The following DLG2 variants were observed in gnomAD, a reference collection of about 807,000 sequenced individuals.
DLG2 encodes the protein discs large MAGUK scaffold protein 2.
DLG2 carries 45 observed loss-of-function variants against 132.5 expected under a neutral mutation model. The observed-to-expected ratio is 0.34, with a 90% CI of 0.27 to 0.44. The LOEUF (loss-of-function observed/expected upper bound fraction) is 0.44. Ranked by LOEUF, DLG2 falls within the 20% of genes least tolerant of loss-of-function variation. The pLI, the probability that DLG2 is intolerant of heterozygous loss-of-function variation, is 1.00. For missense variants in DLG2, 1,045 were observed against 1,196.9 expected (o/e 0.87, Z 1.87); for synonymous variants, 424 against 419.6 (o/e 1.01, Z -0.13).
chr11:84,541,224 T>C (rs1283188391), intron 6 of DLG2, among the ~76,000 whole-genome samples: 2 of 150,234 alleles, frequency 1.3e-5, no homozygotes, highest in East Asian at 3.9e-4. Context: ...TAAAGAAACT[T>C]TGTAAACAGA....
chr11:85,412,756 CACACAT>C lies in DLG2; in HGVS notation c.41-127397_41-127392del, dbSNP rs1323200912. 4.2e-4 allele frequency among the ~76,000 whole-genome samples: 52 copies of C among 123,406 alleles called. 1 individual carries two copies. The East Asian group carries it at 5.8e-3, about 14-fold the overall frequency. 81.0% of individuals were successfully genotyped at this position (123,406 alleles called of 152,430 possible). A position where few individuals can be genotyped will look rare whatever the true frequency, so the allele number is the denominator to read the frequency against. On this transcript the variant is annotated intron_variant, in intron 3 of 27. Transcript: ENST00000376104. ...ACACACACACACACACACACACACA[CACACAT>C]ATATATATATATATATATATATATC...
At chr11:83,983,357 T>C (rs1172983882) in intron 11 of DLG2, among the ~76,000 whole-genome samples, 1 of 151,994 alleles carries the variant, frequency 6.6e-6, no homozygotes, top group Non-Finnish European at 1.5e-5. Context: ...AAGACTTTTT[T>C]AGAAAAACCA....
At position 83,965,541 on chromosome 11, in the gene DLG2, A is replaced by G. The variant is rs941870507; in HGVS notation, c.1057-73T>C. The stretch of plus-strand genomic sequence containing the variant: ...AAGAAAAATATTCAGGCAAGAAGAT[A>G]CCTGGAATTATAAATTGTGATAATT... On this transcript the variant is annotated intron_variant, in intron 12 of 27. Transcript: ENST00000376104. 4.8e-6 allele frequency: 6 copies of G among 1,244,870 alleles called. No individual in the cohort carries two copies. The African/African-American group carries it at 7.7e-5, about 16-fold the overall frequency. The allele number at this position is 1,244,870 out of a possible 1,614,324, so 77.1% of individuals were successfully genotyped here. A position where few individuals can be genotyped will look rare whatever the true frequency, so the allele number is the denominator to read the frequency against.
At chr11:84,317,159 C>T (rs760080999) in intron 7 of DLG2, 3 of 1,597,254 alleles carry the variant, frequency 1.9e-6, no homozygotes, top group African/African-American at 1.3e-5. Context: ...GCACTGATGC[C>T]TACTCTTTCC....
At chr11:84,112,073 C>T (rs143837474) in intron 9 of DLG2, among the ~76,000 whole-genome samples, 2,595 of 151,968 alleles carry the variant, frequency 0.017, 78 homozygotes, top group African/African-American at 0.058. Context: ...AGTACAGTGG[C>T]GCGATCTTGG....
intron 6 of DLG2, among the ~76,000 whole-genome samples, chr11:84,779,942 C>T (rs1411966328): frequency 6.7e-6 from 1 of 149,510 alleles, no homozygotes; most frequent in Non-Finnish European, 1.5e-5. Context: ...ATATTCACAA[C>T]CAAATTCTAC....
chr11:84,035,151 C>G (rs1428301545), intron 11 of DLG2, among the ~76,000 whole-genome samples: 3 of 152,086 alleles, frequency 2.0e-5, no homozygotes, highest in Non-Finnish European at 4.4e-5. Flanking sequence ...AAGCCAAGGT[C>G]TGCTGCCCAG....
At chr11:85,455,218 G>T (rs2092382296) in intron 3 of DLG2, among the ~76,000 whole-genome samples, 1 of 151,992 alleles carries the variant, frequency 6.6e-6, no homozygotes, top group African/African-American at 2.4e-5. Flanking sequence ...TTTTGTAATT[G>T]TCCTTGCAGA....
chr11:84,567,686 T>C lies in DLG2; in HGVS notation c.358-32955A>G, dbSNP rs77157777. Among the ~76,000 whole-genome samples the C allele has an allele frequency of 1.0e-3, 159 of 152,290 alleles. 1 individual carries two copies. The highest frequency in any genetic ancestry group is 3.6e-3 in the African/African-American group (148 of 41,574). On this transcript the variant is annotated intron_variant, in intron 6 of 27. Coordinates refer to ENST00000376104, the MANE Select transcript of DLG2 (RefSeq NM_001142699.3). ...TAATCACTTTTTAATTCCCCAACAA[T>C]TGGTATCACACAGGTCCTTAGGAAA...
intron 6 of DLG2, among the ~76,000 whole-genome samples, chr11:84,795,193 T>C (rs1565982524): frequency 6.6e-6 from 1 of 152,232 alleles, no homozygotes; most frequent in Non-Finnish European, 1.5e-5. Flanking sequence ...GATGTCAGGA[T>C]GACCTGCCTG....
chr11:85,337,542 G>A (rs1481176847), intron 3 of DLG2, among the ~76,000 whole-genome samples: 1 of 152,170 alleles, frequency 6.6e-6, no homozygotes, highest in African/African-American at 2.4e-5. Context: ...ATGCAAGACT[G>A]TACATTTTTA....
At chr11:84,237,403 G>A (rs1598115612) in intron 8 of DLG2, among the ~76,000 whole-genome samples, 2 of 152,070 alleles carry the variant, frequency 1.3e-5, no homozygotes, top group Non-Finnish European at 2.9e-5. Context: ...TTGTTTATTC[G>A]TTCCTCTCAG....
At chr11:84,907,111 C>T (rs1408899382) in intron 6 of DLG2, among the ~76,000 whole-genome samples, 1 of 152,154 alleles carries the variant, frequency 6.6e-6, no homozygotes, top group Non-Finnish European at 1.5e-5. Context: ...TTAAGGCATA[C>T]ACCATGGAAA....
chr11:84,415,371 T>C (rs1016277576), intron 7 of DLG2, among the ~76,000 whole-genome samples: 3 of 152,202 alleles, frequency 2.0e-5, no homozygotes, highest in Admixed American at 1.3e-4. Flanking sequence ...ATTAAACACA[T>C]GATATTATTA....
chr11:84,251,351 T>A, intron 7 of DLG2, 60 bp from the exon 8 acceptor site: 1 of 1,273,608 alleles, frequency 7.9e-7, no homozygotes, highest in Non-Finnish European at 1.1e-6. Flanking sequence ...GACAGATTAT[T>A]TCTGTTAACT....
chr11:83,590,056 C>A (rs545634767), intron 19 of DLG2, among the ~76,000 whole-genome samples: 1,851 of 118,390 alleles, frequency 0.016, 72 homozygotes, highest in African/African-American at 0.06. Flanking sequence ...ACTTTAACAC[C>A]CCACTGTCAA....
At chr11:83,647,586 C>T (rs983590) in intron 18 of DLG2, 31,026 of 152,078 alleles carry the variant, frequency 0.2, 3,288 homozygotes, top group African/African-American at 0.21. Flanking sequence ...TCATTAGCTT[C>T]ATATTCCCGT....
chr11:85,589,351 G>C (rs996534698), intron 3 of DLG2, among the ~76,000 whole-genome samples: 16 of 152,146 alleles, frequency 1.1e-4, no homozygotes, highest in African/African-American at 3.1e-4. Flanking sequence ...TGATAGAAGA[G>C]GGGGGATATA....
At chr11:84,272,524 C>T (rs1382775818) in intron 7 of DLG2, among the ~76,000 whole-genome samples, 1 of 152,100 alleles carries the variant, frequency 6.6e-6, no homozygotes, top group African/African-American at 2.4e-5. Context: ...TGTTGCCAGC[C>T]TGATTCCTCT....
Sources: allele counts gnomAD v4.1 joint callset (sites outside exome capture counted in the v4.1 genomes callset), GRCh38; gene constraint gnomAD v4.1.1; transcripts MANE v1.5; gene names NCBI Gene and HGNC (gene_info 2026-07-23, HGNC 2026-07-21).